KCND2: variants seen among roughly 807,000 people sequenced by gnomAD.
KCND2 encodes A-type voltage-gated potassium channel KCND2.
In KCND2, 16 loss-of-function variants were observed where a neutral mutation model predicts 54.4. The ratio of observed to expected loss-of-function variants is 0.29; its 90% CI spans 0.20 to 0.45. KCND2 has a LOEUF of 0.45. KCND2 is among the 20% of genes least tolerant of loss of function. The pLI is 1.00. For missense variants in KCND2, 486 were observed against 824.2 expected (o/e 0.59, Z 5.02); for synonymous variants, 317 against 310.7 (o/e 1.02, Z -0.21).
chr7:120,372,353 A>T (rs1800776543), intron 1 of KCND2, among the ~76,000 whole-genome samples: 1 of 151,880 alleles, frequency 6.6e-6, no homozygotes, highest in African/African-American at 2.4e-5. Context: ...GTTGATCTGA[A>T]AATGAAAAAA....
At chr7:120,529,206 A>G (rs1383607088) in intron 1 of KCND2, among the ~76,000 whole-genome samples, 1 of 152,116 alleles carries the variant, frequency 6.6e-6, no homozygotes, top group Non-Finnish European at 1.5e-5. Flanking sequence ...GGTTCCCACA[A>G]TCTCAGTTGT....
At chr7:120,344,545 G>A (rs921846137) in intron 1 of KCND2, among the ~76,000 whole-genome samples, 1 of 152,134 alleles carries the variant, frequency 6.6e-6, no homozygotes, top group African/African-American at 2.4e-5. Flanking sequence ...CCGACTGAAG[G>A]ATAAGATAGG....
intron 1 of KCND2, among the ~76,000 whole-genome samples, chr7:120,463,772 G>C (rs1434016086): frequency 6.6e-6 from 1 of 152,070 alleles, no homozygotes; most frequent in African/African-American, 2.4e-5. Context: ...TCCTAGAAAA[G>C]GCTGCAGGTT....
At chr7:120,590,375 A>G (rs1219212793) in intron 1 of KCND2, among the ~76,000 whole-genome samples, 1 of 152,128 alleles carries the variant, frequency 6.6e-6, no homozygotes, top group African/African-American at 2.4e-5. Context: ...TCAGTCATAA[A>G]AAAGATACAG....
chr7:120,379,797 T>G (rs1800889006), intron 1 of KCND2, among the ~76,000 whole-genome samples: 2 of 152,062 alleles, frequency 1.3e-5, no homozygotes, highest in African/African-American at 4.8e-5. Flanking sequence ...ACTGAAAGAC[T>G]CCTGTCTAGA....
intron 1 of KCND2, among the ~76,000 whole-genome samples, chr7:120,611,965 T>A (rs1792961788): frequency 1.3e-5 from 2 of 152,178 alleles, no homozygotes; most frequent in South Asian, 4.1e-4. Flanking sequence ...CCAGAAAAAG[T>A]GTGTTTAAGC....
intron 1 of KCND2, chr7:120,464,017 G>GTT (rs753537808): frequency 1.5e-3 from 1,166 of 784,142 alleles, no homozygotes; most frequent in Middle Eastern, 3.8e-3. Flanking sequence ...TCTTAGTTTT[G>GTT]TTTTTTTTTT....
At chr7:120,682,230 C>T (rs1017644120) in intron 1 of KCND2, among the ~76,000 whole-genome samples, 1 of 151,824 alleles carries the variant, frequency 6.6e-6, no homozygotes, top group African/African-American at 2.4e-5. Flanking sequence ...AGCTTGTTTT[C>T]ATTACATAAG....
chr7:120,526,272 G>A (rs926153467), intron 1 of KCND2, among the ~76,000 whole-genome samples: 1 of 152,094 alleles, frequency 6.6e-6, no homozygotes, highest in African/African-American at 2.4e-5. Flanking sequence ...GAGTGTAGAA[G>A]GAGAAATGGA....
intron 1 of KCND2, among the ~76,000 whole-genome samples, chr7:120,465,085 A>G (rs1270128094): frequency 6.6e-6 from 1 of 152,154 alleles, no homozygotes. Flanking sequence ...TTTGCACACC[A>G]CACTTGGAGA....
chr7:120,607,860 C>T (rs193036888), intron 1 of KCND2, among the ~76,000 whole-genome samples: 1 of 151,906 alleles, frequency 6.6e-6, no homozygotes, highest in East Asian at 1.9e-4. Flanking sequence ...GAAAGAAAAA[C>T]AACATGGACA....
chr7:120,311,877 T>A (rs1799740394), intron 1 of KCND2, among the ~76,000 whole-genome samples: 1 of 152,170 alleles, frequency 6.6e-6, no homozygotes, highest in Non-Finnish European at 1.5e-5. Flanking sequence ...GCTCCATCCA[T>A]GTCCCTGCAA....
chr7:120,715,890 A>G (rs1792596403), intron 1 of KCND2, among the ~76,000 whole-genome samples: 1 of 152,092 alleles, frequency 6.6e-6, no homozygotes, highest in Non-Finnish European at 1.5e-5. Context: ...GACTTGTTTC[A>G]TTAATTACAA....
intron 1 of KCND2, among the ~76,000 whole-genome samples, chr7:120,548,263 C>A (rs73439858): frequency 0.025 from 3,820 of 152,112 alleles, 136 homozygotes; most frequent in African/African-American, 0.086. Flanking sequence ...TGGAAACCGA[C>A]CTAAATCACA....
intron 1 of KCND2, among the ~76,000 whole-genome samples, chr7:120,416,356 C>T (rs184405241): frequency 2.5e-4 from 38 of 152,336 alleles, no homozygotes; most frequent in African/African-American, 8.9e-4. Context: ...CTCACACACA[C>T]ATAGCTCCAT....
chr7:120,443,129 C>G (rs926578789), intron 1 of KCND2, among the ~76,000 whole-genome samples: 1 of 151,954 alleles, frequency 6.6e-6, no homozygotes, highest in Admixed American at 6.6e-5. Context: ...GGTGTGTTCT[C>G]CACTAATCAG....
At chr7:120,548,685 T>C (rs1792071844) in intron 1 of KCND2, among the ~76,000 whole-genome samples, 1 of 152,160 alleles carries the variant, frequency 6.6e-6, no homozygotes, top group African/African-American at 2.4e-5. Context: ...GAACAGGGGC[T>C]CTTGTAGCTT....
chr7:120,333,853 G>A (rs2116352059), intron 1 of KCND2, among the ~76,000 whole-genome samples: 1 of 152,020 alleles, frequency 6.6e-6, no homozygotes, highest in African/African-American at 2.4e-5. Flanking sequence ...AATCTTTCAG[G>A]GCTGGTTTCC....
intron 1 of KCND2, among the ~76,000 whole-genome samples, chr7:120,301,846 T>A (rs919353387): frequency 1.3e-5 from 2 of 152,130 alleles, no homozygotes; most frequent in Admixed American, 6.6e-5. Flanking sequence ...GTTTTGTGCA[T>A]CACCCCTATA....
Sources: allele counts gnomAD v4.1 joint callset (sites outside exome capture counted in the v4.1 genomes callset), GRCh38; gene constraint gnomAD v4.1.1; transcripts MANE v1.5; gene names NCBI Gene and HGNC (gene_info 2026-07-23, HGNC 2026-07-21).